The following CDHR1 variants were observed in gnomAD, a reference collection of about 807,000 sequenced individuals.
CDHR1 encodes cadherin related family member 1, also known as cadherin-related family member 1.
Under a neutral mutation model 72.1 loss-of-function variants are expected in CDHR1, and 61 were observed. The observed-to-expected ratio is 0.85, with a 90% CI of 0.69 to 1.05. The LOEUF (loss-of-function observed/expected upper bound fraction) is 1.05, where lower values mean the gene tolerates loss of function less well. Among genes scored for constraint, CDHR1 ranks in the 50% least tolerant of loss-of-function variants. The pLI is 0.00. For missense variants in CDHR1, 1,186 were observed against 1,115.7 expected, an observed-to-expected ratio of 1.06 and a Z score of -0.90; for synonymous variants, 470 against 448.1, an observed-to-expected ratio of 1.05 and a Z score of -0.62.
At chr10:84,203,985 G>C (rs1842178305) in intron 8 of CDHR1, among the ~76,000 whole-genome samples, 1 of 152,132 alleles carries the variant, frequency 6.6e-6, no homozygotes, top group African/African-American at 2.4e-5. Flanking sequence ...GTGTAGGGGG[G>C]CTTAAGAGGG....
chr10:84,204,841 G>A (rs1227469302), intron 9 of CDHR1, among the ~76,000 whole-genome samples: 2 of 152,212 alleles, frequency 1.3e-5, no homozygotes, highest in Non-Finnish European at 2.9e-5. Context: ...GAGCAACACG[G>A]AGGTGCTAAC....
intron 4 of CDHR1, among the ~76,000 whole-genome samples, chr10:84,198,665 T>C (rs1014854090): frequency 6.6e-6 from 1 of 152,212 alleles, no homozygotes; most frequent in Non-Finnish European, 1.5e-5. Flanking sequence ...ACACAGGCCA[T>C]GTGTGTGCGC....
At position 84,216,706 on chromosome 10, in the gene CDHR1, A is replaced by G; in HGVS notation, c.*2085A>G. The G allele has an allele frequency of 1.0e-6, 1 of 985,496 alleles. No homozygotes were observed. Among genetic ancestry groups the G allele is most frequent in the Non-Finnish European group, 1.2e-6 (1 of 829,952 alleles). The allele number at this position is 985,496 out of a possible 1,614,324, so 61.0% of individuals were successfully genotyped here. On this transcript the variant is annotated 3_prime_UTR_variant, in exon 17 of 17. Coordinates refer to ENST00000623527, the MANE Select transcript of CDHR1 (RefSeq NM_033100.4). ...TTTTTGTCCAAATTGCCATGCAGAT[A>G]TCTTGAACAGCAGGACATTTGCAGG...
Position 84,213,161 on chromosome 10 carries a change from A to G in CDHR1, c.1853A>G (p.Asn618Ser), listed in dbSNP as rs776826024. 13 of 1,614,104 alleles carry G rather than the reference A, an allele frequency of 8.1e-6. No homozygotes were observed. In the East Asian group the frequency reaches 2.4e-4, roughly 30 times the overall value. Residue 618 changes from asparagine (N) to serine (S), a missense_variant, in exon 16 of 17, where the codon AAC (asparagine) becomes AGC (serine). Coordinates refer to ENST00000623527, the MANE Select transcript of CDHR1 (RefSeq NM_033100.4). ...TCCATCACCCATGCAGAGCCCGCCA[A>G]CGTGTTCGACATCAATTCCCACACG... ...DYSITHAEPA[N>S]VFDINSHTGE...
At position 84,215,680 on chromosome 10, in the gene CDHR1, A is replaced by G; in HGVS notation, c.*1059A>G. ...GGGCTTTAACCAAGTGCAAAGCGGC[A>G]TGAATGCAAAGTATTTTTCTGCAGC... is the stretch of plus-strand genomic sequence containing the variant. On this transcript the variant is annotated 3_prime_UTR_variant, in exon 17 of 17. Transcript: ENST00000623527. The G allele has an allele frequency of 2.0e-6, 2 of 985,440 alleles. No homozygotes were observed. Among genetic ancestry groups the G allele is most frequent in the Non-Finnish European group, 2.4e-6 (2 of 829,922 alleles). The allele number at this position is 985,440 out of a possible 1,614,324, so 61.0% of individuals were successfully genotyped here. A position where few individuals can be genotyped will look rare whatever the true frequency, so the allele number is the denominator to read the frequency against.
rs1842457020 is a variant in CDHR1, at chr10:84,218,209, G to A, written c.*3588G>A. On this transcript the variant is annotated 3_prime_UTR_variant, in exon 17 of 17. Coordinates refer to ENST00000623527, the MANE Select transcript of CDHR1 (RefSeq NM_033100.4). ...ATGTGCCACATGGAGGACCCCTTAG[G>A]AAACTCACAAACAACCTAGGGAGGG... 1 of 985,312 alleles carries A rather than the reference G, an allele frequency of 1.0e-6. No individual in the cohort carries two copies. Among genetic ancestry groups the A allele is most frequent in the Admixed American group, 6.1e-5 (1 of 16,272 alleles). The allele number at this position is 985,312 out of a possible 1,614,324, so 61.0% of individuals were successfully genotyped here. A position where few individuals can be genotyped will look rare whatever the true frequency, so the allele number is the denominator to read the frequency against.
Position 84,214,306 on chromosome 10 carries a change from G to A in CDHR1, c.2265G>A (p.Trp755Ter), listed in dbSNP as rs1213317646. Residue 755 changes from tryptophan to a stop codon, truncating the protein, a stop_gained, in exon 17 of 17, where the codon TGG (tryptophan) becomes TGA (stop). Coordinates refer to ENST00000623527, the MANE Select transcript of CDHR1 (RefSeq NM_033100.4). LOFTEE classifies it low-confidence loss of function (END_TRUNC). ...SPAPRTIRIE[W>*]LKSKSTKAAT... is the part of the protein sequence containing the mutation. ...CGCCCCGCACCATCCGCATTGAGTGGCTCAAGTCCAAGAGCACCAAAGCCG... is the reference window on the plus strand; with the variant it reads ...CGCCCCGCACCATCCGCATTGAGTGACTCAAGTCCAAGAGCACCAAAGCCG... 6.2e-7 allele frequency: 1 copy of A among 1,614,090 alleles called. No individual in the cohort carries two copies. Among genetic ancestry groups the A allele is most frequent in the Admixed American group, 1.7e-5 (1 of 60,030 alleles).
In CDHR1 at chr10:84,201,900, T is replaced by G. The variant is rs773773216; in HGVS notation, c.619T>G (p.Tyr207Asp). Residue 207 changes from tyrosine to aspartate, a missense_variant, in exon 7 of 17, where the codon TAC (tyrosine) becomes GAC (aspartate). Transcript: ENST00000623527. ...GGACTACGAGAGGTCCCGGACCCAC[T>G]ACATCACCGTGGTCGCCAAGGTAAC... Reference protein sequence around the residue: ...TLDYERSRTHYITVVAKDGGG... With the variant: ...TLDYERSRTHDITVVAKDGGG... The G allele has an allele frequency of 6.2e-7, 1 of 1,606,256 alleles. No individual in the cohort carries two copies. The highest frequency in any genetic ancestry group is 8.5e-7 in the Non-Finnish European group (1 of 1,179,752).
chr10:84,210,491 T>C (rs1243650360), intron 12 of CDHR1, among the ~76,000 whole-genome samples: 1 of 152,124 alleles, frequency 6.6e-6, no homozygotes, highest in East Asian at 1.9e-4. Context: ...GGTCTCGAAC[T>C]CCCGACCTCA....
In CDHR1 at chr10:84,208,272, T is replaced by C; in HGVS notation, c.1062T>C (p.Tyr354=). ...TCAACAACCACCCGCCAACATTCTA[T>C]GGAGAGAGCGGACCCCAAAACAGGT... ...VDLNNHPPTF[Y]GESGPQNRFE... Residue 354 remains tyrosine (Y), a synonymous_variant, in exon 11 of 17, where the codon TAT becomes TAC. Coordinates refer to ENST00000623527, the MANE Select transcript of CDHR1 (RefSeq NM_033100.4). 1 of 1,614,098 alleles carries C rather than the reference T, an allele frequency of 6.2e-7. No individual in the cohort carries two copies. Among genetic ancestry groups the C allele is most frequent in the Non-Finnish European group, 8.5e-7 (1 of 1,180,030 alleles).
chr10:84,198,965 GTCGC>G, intron 4 of CDHR1, 63 bp from the exon 5 acceptor site: 1 of 1,167,596 alleles, frequency 8.6e-7, no homozygotes, highest in Non-Finnish European at 1.3e-6. Flanking sequence ...AGTGATAGAG[GTCGC>G]TATCCATTCA....
downstream of CDHR1, chr10:84,219,596 C>A (rs180947648): frequency 9.5e-5 from 23 of 241,484 alleles, no homozygotes; most frequent in African/African-American, 5.2e-4. Context: ...TAAAGATACC[C>A]GAGACTGGGT....
Position 84,194,833 on chromosome 10 carries a change from C to A in CDHR1, c.55+18C>A. The A allele has an allele frequency of 6.5e-7, 1 of 1,532,898 alleles. No individual in the cohort carries two copies. Among genetic ancestry groups the A allele is most frequent in the Non-Finnish European group, 8.7e-7 (1 of 1,145,624 alleles). The allele number at this position is 1,532,898 out of a possible 1,614,324, so 95.0% of individuals were successfully genotyped here. A position where few individuals can be genotyped will look rare whatever the true frequency, so the allele number is the denominator to read the frequency against. Reference sequence around the variant, plus strand: ...CTGCTTGGGTGAGTGGCCGCTGGGCCGCGCTGGCCGCGTGGATGGCGAGGG... The same window carrying A: ...CTGCTTGGGTGAGTGGCCGCTGGGCAGCGCTGGCCGCGTGGATGGCGAGGG... On this transcript the variant is annotated intron_variant, in intron 1 of 16. Coordinates refer to ENST00000623527, the MANE Select transcript of CDHR1 (RefSeq NM_033100.4).
In CDHR1 at chr10:84,201,821, AT is replaced by A; in HGVS notation, c.543del (p.Phe181LeufsTer86). ...TYFLQNLHSP[F>X]AVDRHSGVLR... ...AATTCTTATAGAACCTGCACTCCCC[AT>A]TTGCCGTGGACCGCCACAGCGGTGT... On this transcript the variant is annotated frameshift_variant, in exon 7 of 17. Transcript: ENST00000623527. LOFTEE classifies it high-confidence loss of function. The A allele has an allele frequency of 6.2e-7, 1 of 1,610,472 alleles. No individual in the cohort carries two copies.
rs1397700091 is a variant in CDHR1, at chr10:84,210,958, T to C, written c.1321-43T>C. ...TGAGGTGGGAAGGCTCTCTGCAGCA[T>C]GAGTGCCTACCCAGACAAGTCCCCA... On this transcript the variant is annotated intron_variant, in intron 12 of 16. Coordinates refer to ENST00000623527, the MANE Select transcript of CDHR1 (RefSeq NM_033100.4). 10 of 1,603,518 alleles carry C rather than the reference T, an allele frequency of 6.2e-6. 1 individual carries two copies. Among genetic ancestry groups the C allele is most frequent in the Non-Finnish European group, 8.5e-6 (10 of 1,170,446 alleles).
intron 1 of CDHR1, 130 bp downstream of exon 1, chr10:84,194,945 G>A (rs1589292036): frequency 3.3e-6 from 3 of 908,480 alleles, no homozygotes; most frequent in Non-Finnish European, 5.2e-6. Context: ...GGACGGGAGC[G>A]GAGAAGTCCT....
Position 84,208,244 on chromosome 10 carries a change from A to G in CDHR1, c.1034A>G (p.Asp345Gly), listed in dbSNP as rs755206152. 5 of 1,614,026 alleles carry G rather than the reference A, an allele frequency of 3.1e-6. No individual in the cohort carries two copies. The East Asian group carries it at 8.9e-5, about 29-fold the overall frequency. Reference protein sequence around the residue: ...ATVPVTIRIVDLNNHPPTFYG... With the variant: ...ATVPVTIRIVGLNNHPPTFYG... ...GTCCCAGTCACCATCAGGATTGTGGACCTCAACAACCACCCGCCAACATTC... is the reference window on the plus strand; with the variant it reads ...GTCCCAGTCACCATCAGGATTGTGGGCCTCAACAACCACCCGCCAACATTC... Residue 345 changes from aspartate to glycine, a missense_variant, in exon 11 of 17, where the codon GAC becomes GGC. Physicochemically the swap from Asp to Gly is moderately conservative, Grantham distance 94. Coordinates refer to ENST00000623527, the MANE Select transcript of CDHR1 (RefSeq NM_033100.4).
chr10:84,208,412 A>G, intron 11 of CDHR1, 35 bp downstream of exon 11: 1 of 1,606,144 alleles, frequency 6.2e-7, no homozygotes, highest in Non-Finnish European at 8.5e-7. Flanking sequence ...GCCTTCTCAC[A>G]AACGGTATGA....
intron 9 of CDHR1, 29 bp from the exon 10 acceptor site, chr10:84,205,798 A>G (rs1250395901): frequency 1.9e-6 from 3 of 1,548,952 alleles, no homozygotes; most frequent in East Asian, 2.2e-5. Flanking sequence ...GGTCCTGTGC[A>G]GAACTTCAGG....
Sources: gnomAD v4.1 joint callset for allele counts (sites outside exome capture counted in the v4.1 genomes callset) on GRCh38, gnomAD v4.1.1 for gene constraint, MANE v1.5 for transcripts, NCBI Gene and HGNC (gene_info 2026-07-23, HGNC 2026-07-21) for gene names.